Variants in GIMAP2 observed in about 807,000 individuals in gnomAD.
GIMAP2 encodes GTPase, IMAP family member 2, also known as GTPase IMAP family member 2.
GIMAP2 carries 22 observed loss-of-function variants against 25.5 expected under a neutral mutation model. The ratio of observed to expected loss-of-function variants is 0.86; its 90% CI spans 0.62 to 1.23. The LOEUF (loss-of-function observed/expected upper bound fraction) is 1.23, where lower values mean the gene tolerates loss of function less well. Ranked by LOEUF, GIMAP2 falls within the 50% of genes most tolerant of loss-of-function variation. GIMAP2 has a pLI of 0.00. For missense variants in GIMAP2, 422 were observed against 395.7 expected, an observed-to-expected ratio of 1.07 and a Z score of -0.56; for synonymous variants, 167 against 143.0, an observed-to-expected ratio of 1.17 and a Z score of -1.20.
rs753069853 is a variant in GIMAP2 at position 150,692,427 on chromosome 7, A to G, written c.141A>G (p.Ala47=). 9.3e-6 allele frequency: 15 copies of G among 1,614,128 alleles called. No homozygotes were observed. The South Asian group carries it at 1.4e-4, about 15-fold the overall frequency. ...GGAACAGCATCCTCAGGAAGCAAGC[A>G]TTTGAATCGAAGCTGGGTTCCCAGA... ...AAGNSILRKQ[A]FESKLGSQTL... Residue 47 remains alanine (A), a synonymous_variant, in exon 3 of 3, where the codon GCA becomes GCG. Transcript: ENST00000223293.
intron 2 of GIMAP2, among the ~76,000 whole-genome samples, chr7:150,688,725 G>A (rs192579062): frequency 7.9e-5 from 12 of 152,228 alleles, no homozygotes; most frequent in African/African-American, 2.9e-4. Flanking sequence ...AAAGAAGGTG[G>A]AGTGCTTGAG....
chr7:150,688,010 G>A (rs1250591066), intron 2 of GIMAP2, among the ~76,000 whole-genome samples: 1 of 152,128 alleles, frequency 6.6e-6, no homozygotes, highest in Non-Finnish European at 1.5e-5. Flanking sequence ...GGAGGTCTCT[G>A]GCTTCATTGT....
intron 2 of GIMAP2, 198 bp downstream of exon 2, chr7:150,687,285 T>TGTTTGTTTGTTC (rs1401713421): frequency 5.2e-6 from 3 of 576,944 alleles, no homozygotes; most frequent in Admixed American, 5.5e-5. Context: ...TTTGTTTGTT[T>TGTTTGTTTGTTC]GTTTTGAGAC....
In GIMAP2 at chr7:150,692,475, A is replaced by G; in HGVS notation, c.189A>G (p.Lys63=). Reference sequence around the variant, plus strand: ...AGACCTTGACTAAGACTTGCAGCAAAAGTCAGGGAAGCTGGGGAAATAGAG... The same window carrying G: ...AGACCTTGACTAAGACTTGCAGCAAGAGTCAGGGAAGCTGGGGAAATAGAG... ...GSQTLTKTCS[K]SQGSWGNREI... is the part of the protein sequence containing the mutation. Residue 63 remains lysine, a synonymous_variant, in exon 3 of 3, where the codon AAA becomes AAG. Coordinates refer to ENST00000223293, the MANE Select transcript of GIMAP2 (RefSeq NM_015660.3). The G allele has an allele frequency of 6.2e-7, 1 of 1,614,144 alleles. No homozygotes were observed. Among genetic ancestry groups the G allele is most frequent in the East Asian group, 2.2e-5 (1 of 44,880 alleles).
chr7:150,687,439 A>T (rs1796917162), intron 2 of GIMAP2: 2 of 190,794 alleles, frequency 1.0e-5, no homozygotes, highest in African/African-American at 2.4e-5. Context: ...CGCCCAGCTA[A>T]TTTTTTTTTG....
chr7:150,689,971 T>C (rs1312099200), intron 2 of GIMAP2, among the ~76,000 whole-genome samples: 1 of 152,264 alleles, frequency 6.6e-6, no homozygotes, highest in Non-Finnish European at 1.5e-5. Context: ...ATGTTTTAGC[T>C]GAGATTCTCT....
Position 150,687,038 on chromosome 7 carries a change from T to C in GIMAP2, c.-8-14T>C, listed in dbSNP as rs767558655. On this transcript the variant is annotated splice_polypyrimidine_tract_variant and intron_variant, in intron 1 of 2. Coordinates refer to ENST00000223293, the MANE Select transcript of GIMAP2 (RefSeq NM_015660.3). ...AGAACTGAAAAATAAGTTTCTTGTC[T>C]CTCTGTTTCTCAGGAACACCAATGG... is the stretch of plus-strand genomic sequence containing the variant. 2.5e-6 allele frequency: 4 copies of C among 1,589,258 alleles called. No individual in the cohort carries two copies. The South Asian group carries it at 4.4e-5, about 18-fold the overall frequency.
In GIMAP2 at chr7:150,692,717, T is replaced by G; in HGVS notation, c.431T>G (p.Leu144Arg). The G allele has an allele frequency of 6.2e-7, 1 of 1,614,166 alleles. No homozygotes were observed. Among genetic ancestry groups the G allele is most frequent in the South Asian group, 1.1e-5 (1 of 91,086 alleles). The change falls in exon 3 of 3, where the codon CTC becomes CGC. Residue 144 changes from leucine (L) to arginine (R), a missense_variant. By Grantham distance (102) the Leu-to-Arg change is moderately radical. Coordinates refer to ENST00000223293, the MANE Select transcript of GIMAP2 (RefSeq NM_015660.3). The part of the protein sequence containing the change: ...GEDAMGHTIV[L>R]FTHKEDLNGG... ...GATGCCATGGGACACACAATTGTCC[T>G]CTTTACCCACAAGGAAGACCTCAAT...
chr7:150,690,454 G>A (rs1796954835), intron 2 of GIMAP2, among the ~76,000 whole-genome samples: 1 of 152,160 alleles, frequency 6.6e-6, no homozygotes, highest in Non-Finnish European at 1.5e-5. Context: ...ACCACTGGTG[G>A]GCATTGCAGC....
In GIMAP2 at chr7:150,692,884, G is replaced by T. The variant is rs1796985644; in HGVS notation, c.598G>T (p.Asp200Tyr). The change falls in exon 3 of 3, where the codon GAC becomes TAC. Residue 200 changes from aspartate (D) to tyrosine (Y), a missense_variant. Asp to Tyr is a radical substitution (Grantham distance 160). Transcript: ENST00000223293. ...NQDDQVKELM[D>Y]CIEDLLMEKN... ...GGATGACCAAGTGAAGGAACTAATG[G>T]ACTGTATTGAGGATCTGTTGATGGA... 1 of 1,614,174 alleles carries T rather than the reference G, an allele frequency of 6.2e-7. No homozygotes were observed. Among genetic ancestry groups the T allele is most frequent in the Non-Finnish European group, 8.5e-7 (1 of 1,180,006 alleles).
At chr7:150,686,853 A>G (rs555465667) in intron 1 of GIMAP2, among the ~76,000 whole-genome samples, 199 bp from the exon 2 acceptor site, 1 of 148,692 alleles carries the variant, frequency 6.7e-6, no homozygotes, top group East Asian at 2.1e-4. Context: ...CTGAGGCAGG[A>G]GAATCACTTG....
chr7:150,687,739 C>G (rs111327106), intron 2 of GIMAP2, among the ~76,000 whole-genome samples: 15 of 147,988 alleles, frequency 1.0e-4, no homozygotes, highest in South Asian at 8.7e-4. Flanking sequence ...GTGTGTGTCT[C>G]TCTCTCTGTC....
At position 150,692,786 on chromosome 7, in the gene GIMAP2, C is replaced by A; in HGVS notation, c.500C>A (p.Ala167Asp). ...MDYMHDSDNK[A>D]LSKLVAACGG... ...TACATGCACGACTCAGATAACAAAG[C>A]CCTAAGCAAGCTGGTGGCAGCATGT... The change falls in exon 3 of 3, where the codon GCC (alanine) becomes GAC (aspartate). Residue 167 changes from alanine to aspartate, a missense_variant. Physicochemically the swap from Ala to Asp is moderately radical, Grantham distance 126 (BLOSUM62 -2). Transcript: ENST00000223293. 3.1e-6 allele frequency: 5 copies of A among 1,614,200 alleles called. No homozygotes were observed. Among genetic ancestry groups the A allele is most frequent in the Non-Finnish European group, 3.4e-6 (4 of 1,180,044 alleles).
intron 2 of GIMAP2, among the ~76,000 whole-genome samples, chr7:150,691,087 T>C (rs1341744338): frequency 6.6e-6 from 1 of 152,194 alleles, no homozygotes; most frequent in African/African-American, 2.4e-5. Flanking sequence ...CCTGTTATCA[T>C]GGTATTCCGT....
At chr7:150,690,610 C>A (rs567732531) in intron 2 of GIMAP2, among the ~76,000 whole-genome samples, 6 of 152,306 alleles carry the variant, frequency 3.9e-5, no homozygotes, top group African/African-American at 1.4e-4. Context: ...AGTTACTTAA[C>A]CCCTGCATGC....
Position 150,693,427 on chromosome 7 carries a change from C to A in GIMAP2, c.*127C>A. On this transcript the variant is annotated 3_prime_UTR_variant, in exon 3 of 3. Coordinates refer to ENST00000223293, the MANE Select transcript of GIMAP2 (RefSeq NM_015660.3). Reference sequence around the variant, plus strand: ...AAATGTTTAAATCTGAACATCACTCCAATTATTAATGAACCAAATCATACG... The same window carrying A: ...AAATGTTTAAATCTGAACATCACTCAAATTATTAATGAACCAAATCATACG... 1.7e-6 allele frequency: 1 copy of A among 593,318 alleles called. No homozygotes were observed. Among genetic ancestry groups the A allele is most frequent in the Non-Finnish European group, 2.9e-6 (1 of 350,408 alleles). The allele number at this position is 593,318 out of a possible 1,614,324, so 36.8% of individuals were successfully genotyped here.
rs542116646 is a variant in GIMAP2 at position 150,685,720 on chromosome 7, T to G, written c.-74T>G. 5 of 984,510 alleles carry G rather than the reference T, an allele frequency of 5.1e-6. No homozygotes were observed. In the African/African-American group the frequency reaches 8.7e-5, roughly 17 times the overall value. The allele number at this position is 984,510 out of a possible 1,614,324, so 61.0% of individuals were successfully genotyped here. A position where few individuals can be genotyped will look rare whatever the true frequency, so the allele number is the denominator to read the frequency against. On this transcript the variant is annotated 5_prime_UTR_variant, in exon 1 of 3. Transcript: ENST00000223293. Reference sequence around the variant, plus strand: ...TCTCGGTTTTACTTTCTTTTTCTCTTGGAGCTGAGCTATAAGACAACAGGA... The same window carrying G: ...TCTCGGTTTTACTTTCTTTTTCTCTGGGAGCTGAGCTATAAGACAACAGGA...
At chr7:150,687,302 T>A (rs979893698) in intron 2 of GIMAP2, 6 of 442,644 alleles carry the variant, frequency 1.4e-5, no homozygotes, top group African/African-American at 1.3e-4. Context: ...AGACAGTGTC[T>A]CTCTCTGTCA....
chr7:150,688,423 G>A (rs868071862), intron 2 of GIMAP2, among the ~76,000 whole-genome samples: 2 of 152,116 alleles, frequency 1.3e-5, no homozygotes, highest in African/African-American at 2.4e-5. Flanking sequence ...GAGCCACCAC[G>A]CCCGGCCACA....
Sources: gnomAD v4.1 joint callset for allele counts (sites outside exome capture counted in the v4.1 genomes callset) on GRCh38, gnomAD v4.1.1 for gene constraint, MANE v1.5 for transcripts, NCBI Gene and HGNC (gene_info 2026-07-23, HGNC 2026-07-21) for gene names.